The following TRAPPC6B variants were observed in gnomAD, a reference collection of about 807,000 sequenced individuals.
TRAPPC6B encodes the protein trafficking protein particle complex subunit 6B, also known as TRAPP complex subunit 6B.
TRAPPC6B carries 27 observed loss-of-function variants against 24.7 expected under a neutral mutation model. The ratio of observed to expected loss-of-function variants is 1.09; its 90% CI spans 0.81 to 1.51. The LOEUF (loss-of-function observed/expected upper bound fraction) is 1.51, where lower values mean the gene tolerates loss of function less well. Ranked by LOEUF, TRAPPC6B falls within the 40% of genes most tolerant of loss-of-function variation. The pLI is 0.00. For synonymous variants in TRAPPC6B, 80 were observed against 66.6 expected (o/e 1.20, Z -0.98); for missense variants, 212 against 190.8 (o/e 1.11, Z -0.66).
rs1335309935 is a variant in TRAPPC6B at position 39,148,367 on chromosome 14, C to G, written c.*1983G>C. The G allele has an allele frequency of 1.0e-5, 3 of 292,600 alleles. No homozygotes were observed. Among genetic ancestry groups the G allele is most frequent in the Non-Finnish European group, 1.9e-5 (3 of 159,460 alleles). The allele number at this position is 292,600 out of a possible 1,614,324, so 18.1% of individuals were successfully genotyped here. A position where few individuals can be genotyped will look rare whatever the true frequency, so the allele number is the denominator to read the frequency against. ...CCAATTACCATGATTGGCACAGAAT[C>G]TAATCAACACTCACCCTCTCTAGGC... On this transcript the variant is annotated 3_prime_UTR_variant, in exon 6 of 6. Coordinates refer to ENST00000330149, the MANE Select transcript of TRAPPC6B (RefSeq NM_001079537.2).
In TRAPPC6B at chr14:39,151,845, AG is replaced by A; in HGVS notation, c.352-7del. On this transcript the variant is annotated splice_region_variant and splice_polypyrimidine_tract_variant and intron_variant, in intron 4 of 5. Coordinates refer to ENST00000330149, the MANE Select transcript of TRAPPC6B (RefSeq NM_001079537.2). ...CCACACGTAAATGCTAAATACTAAA[AG>A]GAAAAAAAATCATTAAAAATAGTAA... 6.3e-7 allele frequency: 1 copy of A among 1,576,956 alleles called. No homozygotes were observed. The highest frequency in any genetic ancestry group is 8.6e-7 in the Non-Finnish European group (1 of 1,162,456).
At chr14:39,159,033 G>GT (rs2053021403) in intron 2 of TRAPPC6B, 1 of 152,390 alleles carries the variant, frequency 6.6e-6, no homozygotes, top group African/African-American at 2.4e-5. Flanking sequence ...TATACTCCGA[G>GT]TTTAACTATT....
At chr14:39,162,269 T>C (rs1366790668) in intron 1 of TRAPPC6B, among the ~76,000 whole-genome samples, 3 of 151,950 alleles carry the variant, frequency 2.0e-5, no homozygotes, top group Non-Finnish European at 4.4e-5. Context: ...CAAGCAATCC[T>C]CCCACCTCAG....
At chr14:39,168,029 CA>C (rs1318603545) in intron 1 of TRAPPC6B, among the ~76,000 whole-genome samples, 1 of 152,096 alleles carries the variant, frequency 6.6e-6, no homozygotes, top group African/African-American at 2.4e-5. Flanking sequence ...GCCTGGTCAA[CA>C]GGGTGAAACT....
intron 4 of TRAPPC6B, among the ~76,000 whole-genome samples, chr14:39,152,829 G>C (rs544142552): frequency 2.6e-5 from 4 of 152,320 alleles, no homozygotes; most frequent in Admixed American, 2.6e-4. Flanking sequence ...AAGAAACCAA[G>C]ATCCCAAAAA....
rs750228281 is a variant in TRAPPC6B at position 39,170,064 on chromosome 14, T to C, written c.32A>G (p.His11Arg). Reference sequence around the variant, plus strand: ...GTACACTCCAGACACCATCTCGTTATGGAGAAGCAAAAACAACGCCTCATC... The same window carrying C: ...GTACACTCCAGACACCATCTCGTTACGGAGAAGCAAAAACAACGCCTCATC... Reference protein sequence around the residue: MADEALFLLLHNEMVSGVYKS... With the variant: MADEALFLLLRNEMVSGVYKS... The change falls in exon 1 of 6, where the codon CAT becomes CGT. Residue 11 changes from histidine to arginine, a missense_variant. Transcript: ENST00000330149. The C allele has an allele frequency of 5.0e-6, 8 of 1,614,134 alleles. No homozygotes were observed. Among genetic ancestry groups the C allele is most frequent in the East Asian group, 2.2e-5 (1 of 44,866 alleles).
At chr14:39,167,310 T>C (rs780329404) in intron 1 of TRAPPC6B, among the ~76,000 whole-genome samples, 1 of 152,220 alleles carries the variant, frequency 6.6e-6, no homozygotes, top group Non-Finnish European at 1.5e-5. Flanking sequence ...TAGAACACTG[T>C]TTCTTTCTTT....
intron 3 of TRAPPC6B, chr14:39,157,271 G>C: frequency 2.6e-6 from 1 of 379,750 alleles, no homozygotes. Context: ...GCCATCCTCT[G>C]TAAGCAGCTG....
chr14:39,165,742 A>T, intron 1 of TRAPPC6B, among the ~76,000 whole-genome samples: 1 of 152,180 alleles, frequency 6.6e-6, no homozygotes, highest in Admixed American at 6.5e-5. Context: ...GGCTGCAGTG[A>T]GCCAAAGTCC....
At chr14:39,158,467 T>A in intron 2 of TRAPPC6B, 65 bp from the exon 3 acceptor site, 1 of 915,038 alleles carries the variant, frequency 1.1e-6, no homozygotes, top group Admixed American at 2.5e-5. Context: ...GGACTAATTA[T>A]TAACTAATTT....
At chr14:39,159,894 C>T (rs175350) in intron 1 of TRAPPC6B, among the ~76,000 whole-genome samples, 15 of 152,146 alleles carry the variant, frequency 9.9e-5, no homozygotes, top group African/African-American at 3.4e-4. Context: ...GCCATCTCGG[C>T]TCACTGCAAC....
At chr14:39,157,120 AAAAAAAGAAAG>A (rs2052989896) in intron 3 of TRAPPC6B, 2 of 186,260 alleles carry the variant, frequency 1.1e-5, no homozygotes, top group South Asian at 1.8e-4. Flanking sequence ...AAAAAAAAAA[AAAAAAAGAAAG>A]AAAGAAAGTG....
chr14:39,161,433 C>A (rs1422268356), intron 1 of TRAPPC6B, among the ~76,000 whole-genome samples: 2 of 152,200 alleles, frequency 1.3e-5, no homozygotes, highest in Non-Finnish European at 2.9e-5. Flanking sequence ...TCCTGAGCAA[C>A]AGTGCTTACG....
In TRAPPC6B at chr14:39,154,271, G is replaced by A. The variant is rs755176452; in HGVS notation, c.291C>T (p.Asn97=). The change falls in exon 4 of 6, where the codon AAC becomes AAT. Residue 97 remains asparagine, a synonymous_variant. Coordinates refer to ENST00000330149, the MANE Select transcript of TRAPPC6B (RefSeq NM_001079537.2). ...NHQGIYVLQD[N]KFRLLTQMSA... is the part of the protein sequence containing the mutation. Reference sequence around the variant, plus strand: ...ACATCTGAGTAAGCAGGCGAAATTTGTTGTCCTGAAGTACATAGATGCCCT... The same window carrying A: ...ACATCTGAGTAAGCAGGCGAAATTTATTGTCCTGAAGTACATAGATGCCCT... 6.2e-7 allele frequency: 1 copy of A among 1,612,966 alleles called. No homozygotes were observed. Among genetic ancestry groups the A allele is most frequent in the East Asian group, 2.2e-5 (1 of 44,846 alleles).
At chr14:39,156,388 T>C (rs1395266558) in intron 3 of TRAPPC6B, among the ~76,000 whole-genome samples, 1 of 152,160 alleles carries the variant, frequency 6.6e-6, no homozygotes, top group Non-Finnish European at 1.5e-5. Context: ...TTTTACTTAA[T>C]CAAAATTCCA....
At chr14:39,164,234 G>A (rs1007041065) in intron 1 of TRAPPC6B, among the ~76,000 whole-genome samples, 1 of 151,980 alleles carries the variant, frequency 6.6e-6, no homozygotes, top group Admixed American at 6.6e-5. Context: ...GATGGCTCAC[G>A]CCTCCTAGCA....
chr14:39,153,103 CAACATGGTGA>C (rs1344341596), intron 4 of TRAPPC6B, among the ~76,000 whole-genome samples: 1 of 151,878 alleles, frequency 6.6e-6, no homozygotes, highest in Non-Finnish European at 1.5e-5. Flanking sequence ...CTAGCCTCGC[CAACATGGTGA>C]AACCCTGTCT....
At chr14:39,164,491 TA>T (rs34621208) in intron 1 of TRAPPC6B, among the ~76,000 whole-genome samples, 35 of 149,410 alleles carry the variant, frequency 2.3e-4, no homozygotes, top group South Asian at 6.4e-4. Context: ...AAACTCTGTC[TA>T]AAAAAAAAAT....
At chr14:39,162,375 T>C (rs1360150958) in intron 1 of TRAPPC6B, among the ~76,000 whole-genome samples, 3 of 151,856 alleles carry the variant, frequency 2.0e-5, no homozygotes, top group Admixed American at 2.0e-4. Context: ...CAGGCTGGTC[T>C]CAAAGTCCTG....
Sources: gnomAD v4.1 joint callset for allele counts (sites outside exome capture counted in the v4.1 genomes callset) on GRCh38, gnomAD v4.1.1 for gene constraint, MANE v1.5 for transcripts, NCBI Gene and HGNC (gene_info 2026-07-23, HGNC 2026-07-21) for gene names.